The following DCC variants were observed in gnomAD, a reference collection of about 807,000 sequenced individuals.
DCC encodes DCC netrin 1 receptor.
In DCC, 58 loss-of-function variants were observed where a neutral mutation model predicts 172.5. That is an observed-to-expected ratio of 0.34 (90% CI 0.27 to 0.42). DCC has a LOEUF of 0.42. Ranked by LOEUF, DCC falls within the 10% of genes least tolerant of loss-of-function variation. The probability of loss-of-function intolerance (pLI) is 1.00; values close to 1 mark genes in which losing one functional copy is unlikely to be tolerated. For missense variants in DCC, 1,740 were observed against 1,791.0 expected (o/e 0.97, Z 0.51); for synonymous variants, 709 against 644.5 (o/e 1.10, Z -1.52).
intron 1 of DCC, among the ~76,000 whole-genome samples, chr18:52,426,981 C>A (rs958296859): frequency 3.3e-5 from 5 of 152,088 alleles, no homozygotes; most frequent in African/African-American, 1.2e-4. Flanking sequence ...GACGTAGGTG[C>A]TGTTTTTAAT....
intron 2 of DCC, among the ~76,000 whole-genome samples, chr18:52,795,444 G>A (rs1043342767): frequency 7.9e-5 from 12 of 151,850 alleles, no homozygotes; most frequent in African/African-American, 2.9e-4. Flanking sequence ...TTCTATTTCT[G>A]TTGTATCAGT....
chr18:52,550,747 C>A (rs2144721981), intron 1 of DCC, among the ~76,000 whole-genome samples: 1 of 152,220 alleles, frequency 6.6e-6, no homozygotes, highest in Middle Eastern at 3.4e-3. Flanking sequence ...CTTTCCATCT[C>A]TCCTCTATTA....
intron 22 of DCC, among the ~76,000 whole-genome samples, chr18:53,442,468 T>C (rs1568134875): frequency 6.6e-6 from 1 of 152,162 alleles, no homozygotes; most frequent in Non-Finnish European, 1.5e-5. Context: ...GATAAACTGT[T>C]GTGTGTTCCA....
intron 2 of DCC, among the ~76,000 whole-genome samples, chr18:52,858,258 C>A (rs1056982161): frequency 6.6e-6 from 1 of 152,162 alleles, no homozygotes; most frequent in Admixed American, 6.5e-5. Flanking sequence ...CAAAGAAATT[C>A]TTGAAATGGT....
intron 22 of DCC, among the ~76,000 whole-genome samples, chr18:53,441,984 G>T (rs1456223674): frequency 6.6e-6 from 1 of 152,150 alleles, no homozygotes. Context: ...GCTGCTCTCA[G>T]TTCTGTTTAA....
At chr18:52,689,912 C>T (rs1477705222) in intron 1 of DCC, among the ~76,000 whole-genome samples, 1 of 152,110 alleles carries the variant, frequency 6.6e-6, no homozygotes, top group East Asian at 1.9e-4. Context: ...ATTTGCACTC[C>T]TGAGCACACT....
intron 20 of DCC, among the ~76,000 whole-genome samples, chr18:53,411,087 A>G (rs939790561): frequency 1.3e-5 from 2 of 150,862 alleles, no homozygotes; most frequent in Non-Finnish European, 1.5e-5. Flanking sequence ...GTTCCAAACC[A>G]AAAAAAAAGT....
intron 1 of DCC, among the ~76,000 whole-genome samples, chr18:52,576,414 T>A (rs1144089): frequency 0.96 from 145,694 of 152,296 alleles, 70,044 homozygotes; most frequent in Middle Eastern, 1. Flanking sequence ...TAGAATAATT[T>A]TAAAGAGGGC....
intron 9 of DCC, among the ~76,000 whole-genome samples, chr18:53,182,072 C>G (rs1269660121): frequency 6.6e-6 from 1 of 152,206 alleles, no homozygotes; most frequent in African/African-American, 2.4e-5. Flanking sequence ...GGACCCAAGT[C>G]TCTATAAGCA....
intron 25 of DCC, among the ~76,000 whole-genome samples, chr18:53,479,222 A>G (rs532924989): frequency 1.4e-4 from 21 of 152,354 alleles, no homozygotes; most frequent in Admixed American, 2.6e-4. Context: ...ATGATTTTAA[A>G]TACTAATCTG....
chr18:52,493,498 T>G (rs1475404837), intron 1 of DCC, among the ~76,000 whole-genome samples: 1 of 152,142 alleles, frequency 6.6e-6, no homozygotes. Context: ...CGTAATAGTT[T>G]ATGTTGGCAA....
chr18:52,393,959 C>A (rs1411001002), intron 1 of DCC, among the ~76,000 whole-genome samples: 1 of 152,022 alleles, frequency 6.6e-6, no homozygotes, highest in African/African-American at 2.4e-5. Flanking sequence ...ATTCTCAATT[C>A]ATAGCATGCT....
chr18:53,104,280 C>T (rs764127452), intron 7 of DCC, among the ~76,000 whole-genome samples: 14 of 151,982 alleles, frequency 9.2e-5, no homozygotes, highest in South Asian at 2.1e-4. Flanking sequence ...TGAATACTCA[C>T]GTGTTGTGGG....
At chr18:53,138,472 C>T (rs964829453) in intron 7 of DCC, among the ~76,000 whole-genome samples, 1 of 152,086 alleles carries the variant, frequency 6.6e-6, no homozygotes, top group Non-Finnish European at 1.5e-5. Flanking sequence ...TGTCAGCTTA[C>T]TTCTATTTTT....
At chr18:52,562,254 G>A (rs764505258) in intron 1 of DCC, among the ~76,000 whole-genome samples, 7 of 152,092 alleles carry the variant, frequency 4.6e-5, no homozygotes, top group Admixed American at 1.3e-4. Flanking sequence ...GAAGAGTTTT[G>A]GAAAGTGCTA....
At chr18:52,996,772 C>CTTTTTTT (rs66600556) in intron 5 of DCC, among the ~76,000 whole-genome samples, 7 of 117,142 alleles carry the variant, frequency 6.0e-5, no homozygotes, top group Admixed American at 1.8e-4. Context: ...TCACCTTTTT[C>CTTTTTTT]TTTTTTTTTT....
At chr18:53,104,279 A>T (rs944053242) in intron 7 of DCC, among the ~76,000 whole-genome samples, 1 of 151,966 alleles carries the variant, frequency 6.6e-6, no homozygotes, top group Non-Finnish European at 1.5e-5. Flanking sequence ...CTGAATACTC[A>T]CGTGTTGTGG....
intron 5 of DCC, among the ~76,000 whole-genome samples, chr18:53,040,866 A>G (rs2042159623): frequency 6.6e-6 from 1 of 151,946 alleles, no homozygotes; most frequent in South Asian, 2.1e-4. Context: ...AGGATTGAAT[A>G]TAATGGTCAT....
Position 53,063,371 on chromosome 18 carries a change from A to T in DCC, c.1052A>T (p.Glu351Val), listed in dbSNP as rs758453318. 1.9e-6 allele frequency: 3 copies of T among 1,613,160 alleles called. No homozygotes were observed. The highest frequency in any genetic ancestry group is 2.5e-6 in the Non-Finnish European group (3 of 1,179,262). Reference protein sequence around the residue: ...YAYESMDIEFECTVSGKPVPT... With the variant: ...YAYESMDIEFVCTVSGKPVPT... ...TATGAAAGCATGGATATTGAGTTTG[A>T]ATGTACAGTCTCTGGAAAGCCTGTG... Residue 351 changes from glutamate to valine, a missense_variant, in exon 6 of 29, where the codon GAA becomes GTA. Physicochemically the swap from Glu to Val is moderately radical, Grantham distance 121. Coordinates refer to ENST00000442544, the MANE Select transcript of DCC (RefSeq NM_005215.4).
Sources: allele counts gnomAD v4.1 joint callset (sites outside exome capture counted in the v4.1 genomes callset), GRCh38; gene constraint gnomAD v4.1.1; transcripts MANE v1.5; gene names NCBI Gene and HGNC (gene_info 2026-07-23, HGNC 2026-07-21).